Variants in SLC44A5 observed in about 807,000 individuals in gnomAD.
SLC44A5 encodes solute carrier family 44 member 5, also known as choline transporter-like protein 5.
A neutral mutation model predicts 101.8 loss-of-function variants in SLC44A5; 57 were observed. That is an observed-to-expected ratio of 0.56 (90% CI 0.45 to 0.70). The LOEUF (loss-of-function observed/expected upper bound fraction) is 0.70, where lower values mean the gene tolerates loss of function less well. SLC44A5 is among the 30% of genes least tolerant of loss of function. The pLI is 0.00. For missense variants in SLC44A5, 737 were observed against 853.1 expected (o/e 0.86, Z 1.70); for synonymous variants, 281 against 290.9 (o/e 0.97, Z 0.35).
intron 2 of SLC44A5, among the ~76,000 whole-genome samples, chr1:75,529,800 T>TA (rs1670622016): frequency 6.6e-6 from 1 of 152,108 alleles, no homozygotes; most frequent in Admixed American, 6.6e-5. Context: ...GTCTCTGAAA[T>TA]AAAAAACTAC....
upstream of SLC44A5, chr1:75,615,865 G>A (rs1168883363): frequency 1.0e-6 from 1 of 987,958 alleles, no homozygotes. Context: ...TTGATGCTGG[G>A]GGGCTTTCTC....
At chr1:75,376,801 C>T (rs1439015642) in intron 3 of SLC44A5, among the ~76,000 whole-genome samples, 1 of 152,206 alleles carries the variant, frequency 6.6e-6, no homozygotes, top group African/African-American at 2.4e-5. Context: ...CAGTTCCTCA[C>T]CAGCAATGGA....
At chr1:75,454,098 A>G (rs1279936051) in intron 2 of SLC44A5, among the ~76,000 whole-genome samples, 5 of 152,098 alleles carry the variant, frequency 3.3e-5, no homozygotes, top group Non-Finnish European at 5.9e-5. Flanking sequence ...ACAACGAAAA[A>G]AGAAAACTAT....
At chr1:75,348,312 C>T (rs1557687777) in intron 3 of SLC44A5, among the ~76,000 whole-genome samples, 1 of 152,098 alleles carries the variant, frequency 6.6e-6, no homozygotes, top group Non-Finnish European at 1.5e-5. Flanking sequence ...AAAGACAGTA[C>T]TAAAGCTATT....
chr1:75,307,989 C>T (rs578171956), intron 4 of SLC44A5, among the ~76,000 whole-genome samples: 3 of 152,152 alleles, frequency 2.0e-5, no homozygotes, highest in South Asian at 2.1e-4. Context: ...GTTTTTTAAG[C>T]GCCCTAAAAA....
At chr1:75,626,637 C>T in the SLC44A5 span, among the ~76,000 whole-genome samples, 13 of 152,228 alleles carry the variant, frequency 8.5e-5, no homozygotes, top group African/African-American at 2.6e-4. Flanking sequence ...CTAGCCAAAT[C>T]TTTATTGCTT....
chr1:75,540,956 A>T (rs1033584715), intron 2 of SLC44A5, among the ~76,000 whole-genome samples: 3 of 152,210 alleles, frequency 2.0e-5, no homozygotes, highest in Admixed American at 6.5e-5. Context: ...TCCAAAGAAC[A>T]ATTTCTGACA....
intron 13 of SLC44A5, among the ~76,000 whole-genome samples, chr1:75,226,360 C>T (rs914342730): frequency 3.3e-5 from 5 of 151,970 alleles, no homozygotes; most frequent in East Asian, 3.9e-4. Flanking sequence ...CATCTCCCAC[C>T]GCTGTCTGAG....
the SLC44A5 span, among the ~76,000 whole-genome samples, chr1:75,687,588 GC>G: frequency 6.6e-6 from 1 of 152,182 alleles, no homozygotes; most frequent in Non-Finnish European, 1.5e-5. Flanking sequence ...ACAGGCATGA[GC>G]CACCACATGC....
chr1:75,492,628 T>C (rs1668481707), intron 2 of SLC44A5, among the ~76,000 whole-genome samples: 1 of 152,062 alleles, frequency 6.6e-6, no homozygotes, highest in South Asian at 2.1e-4. Context: ...TAAAACTTTA[T>C]TAAATACACA....
chr1:75,661,404 A>C, the SLC44A5 span, among the ~76,000 whole-genome samples: 26 of 149,294 alleles, frequency 1.7e-4, no homozygotes, highest in African/African-American at 6.1e-4. Flanking sequence ...AAAAAAAAAA[A>C]AAAAAAAAAA....
intron 1 of SLC44A5, among the ~76,000 whole-genome samples, chr1:75,584,361 C>T (rs182007477): frequency 1.9e-3 from 294 of 152,216 alleles, no homozygotes; most frequent in Non-Finnish European, 3.3e-3. Flanking sequence ...GTCTAGGTAC[C>T]GTATCACATT....
intron 1 of SLC44A5, among the ~76,000 whole-genome samples, chr1:75,568,125 A>G (rs938870692): frequency 6.6e-6 from 1 of 152,214 alleles, no homozygotes; most frequent in Admixed American, 6.5e-5. Flanking sequence ...AAGTCTTCAC[A>G]TGGAAATCAG....
At chr1:75,359,214 T>C (rs1213038601) in intron 3 of SLC44A5, among the ~76,000 whole-genome samples, 2 of 151,016 alleles carry the variant, frequency 1.3e-5, no homozygotes, top group East Asian at 1.9e-4. Context: ...ATTATGTATA[T>C]ATGCCATTTT....
At chr1:75,677,256 G>A in the SLC44A5 span, among the ~76,000 whole-genome samples, 1 of 152,196 alleles carries the variant, frequency 6.6e-6, no homozygotes, top group Admixed American at 6.5e-5. Context: ...AGGGCTAAAA[G>A]TTTAACCTAT....
At chr1:75,349,209 C>T (rs962954278) in intron 3 of SLC44A5, among the ~76,000 whole-genome samples, 80 of 152,094 alleles carry the variant, frequency 5.3e-4, no homozygotes, top group African/African-American at 1.8e-3. Flanking sequence ...TGTGGCAGTG[C>T]ACACCTGTAG....
At chr1:75,604,413 T>C (rs1054986542) in intron 1 of SLC44A5, among the ~76,000 whole-genome samples, 15 of 152,180 alleles carry the variant, frequency 9.9e-5, no homozygotes, top group African/African-American at 3.6e-4. Context: ...TTGCTTACTG[T>C]AGCCTTACAA....
chr1:75,717,240 C>G, the SLC44A5 span, among the ~76,000 whole-genome samples: 11 of 151,236 alleles, frequency 7.3e-5, no homozygotes, highest in Admixed American at 7.3e-4. Context: ...ACTCCGTAGG[C>G]TGAGGCATGA....
At chr1:75,505,520 A>G (rs539124625) in intron 2 of SLC44A5, among the ~76,000 whole-genome samples, 4 of 152,102 alleles carry the variant, frequency 2.6e-5, no homozygotes, top group South Asian at 4.1e-4. Flanking sequence ...ATCATCTGTT[A>G]TTTTTGGTCT....
Sources: allele counts gnomAD v4.1 joint callset (sites outside exome capture counted in the v4.1 genomes callset), GRCh38; gene constraint gnomAD v4.1.1; transcripts MANE v1.5; gene names NCBI Gene and HGNC (gene_info 2026-07-23, HGNC 2026-07-21).